The following ASXL3 variants were observed in gnomAD, a reference collection of about 807,000 sequenced individuals.
The protein encoded by ASXL3 is ASXL transcriptional regulator 3.
Under a neutral mutation model 170.6 loss-of-function variants are expected in ASXL3, and 34 were observed. The observed-to-expected ratio is 0.20, with a 90% confidence interval of 0.15 to 0.27. ASXL3 has a LOEUF of 0.27. ASXL3 is among the 10% of genes least tolerant of loss of function. The probability of loss-of-function intolerance (pLI) is 1.00; values close to 1 mark genes in which losing one functional copy is unlikely to be tolerated. For missense variants in ASXL3, 2,592 were observed against 2,695.3 expected, an observed-to-expected ratio of 0.96 and a Z score of 0.85; for synonymous variants, 1,002 against 989.1, an observed-to-expected ratio of 1.01 and a Z score of -0.24.
chr18:33,619,841 A>G (rs1039040938), intron 2 of ASXL3, among the ~76,000 whole-genome samples: 2 of 152,078 alleles, frequency 1.3e-5, no homozygotes, highest in Non-Finnish European at 2.9e-5. Flanking sequence ...AATAGTTGAG[A>G]TTGTCTACCT....
chr18:33,705,983 A>G (rs577649625), intron 8 of ASXL3, among the ~76,000 whole-genome samples: 93 of 151,968 alleles, frequency 6.1e-4, no homozygotes, highest in Non-Finnish European at 1.2e-3. Context: ...TGAACTTTAT[A>G]TACTGGAATC....
chr18:33,605,924 C>T (rs375217115), intron 1 of ASXL3, among the ~76,000 whole-genome samples: 6 of 151,804 alleles, frequency 4.0e-5, no homozygotes, highest in African/African-American at 1.2e-4. Context: ...ATGAGAGACC[C>T]GTTGCCTTTC....
chr18:33,729,957 G>A (rs2067415668), intron 8 of ASXL3, among the ~76,000 whole-genome samples: 1 of 152,068 alleles, frequency 6.6e-6, no homozygotes, highest in Admixed American at 6.6e-5. Flanking sequence ...TCCTCATGAT[G>A]GTTAGGGCTG....
intron 7 of ASXL3, among the ~76,000 whole-genome samples, chr18:33,673,234 G>A (rs1332140969): frequency 6.6e-6 from 1 of 152,178 alleles, no homozygotes; most frequent in Non-Finnish European, 1.5e-5. Flanking sequence ...ACCAACCTCT[G>A]TAAAGTTAGT....
intron 2 of ASXL3, among the ~76,000 whole-genome samples, chr18:33,632,823 G>T (rs2065699850): frequency 6.6e-6 from 1 of 152,120 alleles, no homozygotes; most frequent in Admixed American, 6.6e-5. Context: ...CTATCTTTGT[G>T]CTAATAAATG....
At chr18:33,659,514 T>C (rs1389324300) in intron 4 of ASXL3, among the ~76,000 whole-genome samples, 1 of 152,152 alleles carries the variant, frequency 6.6e-6, no homozygotes, top group Non-Finnish European at 1.5e-5. Flanking sequence ...TGGGATCATA[T>C]ATTTTATCTG....
chr18:33,599,581 A>G (rs980390091), intron 1 of ASXL3, among the ~76,000 whole-genome samples: 2 of 152,212 alleles, frequency 1.3e-5, no homozygotes, highest in Admixed American at 6.5e-5. Context: ...AATGGGGATT[A>G]CAAAAGAACT....
chr18:33,734,565 T>TA, intron 10 of ASXL3, 150 bp downstream of exon 10: 1 of 440,516 alleles, frequency 2.3e-6, no homozygotes, highest in Non-Finnish European at 3.9e-6. Flanking sequence ...CAGATGAAAT[T>TA]ATAGTGGGAT....
At chr18:33,641,240 C>T (rs767961473) in intron 2 of ASXL3, among the ~76,000 whole-genome samples, 22 of 152,078 alleles carry the variant, frequency 1.4e-4, no homozygotes, top group Non-Finnish European at 2.4e-4. Flanking sequence ...GTATTTCACA[C>T]AGCACTGGGG....
chr18:33,686,048 AT>A (rs1159652710), intron 8 of ASXL3, among the ~76,000 whole-genome samples: 1 of 152,228 alleles, frequency 6.6e-6, no homozygotes, highest in Admixed American at 6.5e-5. Flanking sequence ...TCGAATATTG[AT>A]GGCCAGAATC....
chr18:33,635,955 T>C (rs2065756234), intron 2 of ASXL3, among the ~76,000 whole-genome samples: 1 of 152,240 alleles, frequency 6.6e-6, no homozygotes, highest in Non-Finnish European at 1.5e-5. Flanking sequence ...TAAATATGTC[T>C]ATCTCCTGTG....
chr18:33,696,727 A>G (rs2066779195), intron 8 of ASXL3, among the ~76,000 whole-genome samples: 1 of 152,214 alleles, frequency 6.6e-6, no homozygotes, highest in East Asian at 1.9e-4. Flanking sequence ...CTTATGCTCT[A>G]TAACAGCAAG....
chr18:33,616,147 T>A (rs971039967), intron 2 of ASXL3, among the ~76,000 whole-genome samples: 1 of 152,130 alleles, frequency 6.6e-6, no homozygotes, highest in African/African-American at 2.4e-5. Flanking sequence ...AGATTAGATA[T>A]TATTGTGGTA....
chr18:33,619,016 A>G (rs753912264), intron 2 of ASXL3, among the ~76,000 whole-genome samples: 1 of 152,174 alleles, frequency 6.6e-6, no homozygotes, highest in Non-Finnish European at 1.5e-5. Flanking sequence ...CCTAACATCT[A>G]TTGATCCTTT....
At chr18:33,710,586 A>G (rs1381775950) in intron 8 of ASXL3, among the ~76,000 whole-genome samples, 1 of 152,170 alleles carries the variant, frequency 6.6e-6, no homozygotes, top group Non-Finnish European at 1.5e-5. Flanking sequence ...TTATCTTATT[A>G]AAGACATATT....
intron 7 of ASXL3, among the ~76,000 whole-genome samples, chr18:33,683,144 G>C (rs182487559): frequency 5.1e-4 from 78 of 152,184 alleles, no homozygotes; most frequent in Admixed American, 5.0e-3. Flanking sequence ...TTGGAACCTG[G>C]TGCTACTTTG....
intron 8 of ASXL3, among the ~76,000 whole-genome samples, chr18:33,727,152 A>G (rs992546809): frequency 1.4e-4 from 21 of 152,104 alleles, no homozygotes; most frequent in Admixed American, 5.2e-4. Context: ...TGTCTGTAGA[A>G]TGAAATCTAG....
intron 2 of ASXL3, among the ~76,000 whole-genome samples, chr18:33,628,348 AAAG>A (rs1334588186): frequency 1.1e-4 from 16 of 152,120 alleles, no homozygotes; most frequent in Admixed American, 6.6e-5. Flanking sequence ...AAGATTTTGA[AAAG>A]AAGAAGAAAA....
At chr18:33,687,898 G>C (rs1424878688) in intron 8 of ASXL3, among the ~76,000 whole-genome samples, 1 of 152,064 alleles carries the variant, frequency 6.6e-6, no homozygotes, top group Non-Finnish European at 1.5e-5. Context: ...GTTTGGGTGG[G>C]CTTCTTGTTC....
Sources: allele counts gnomAD v4.1 joint callset (sites outside exome capture counted in the v4.1 genomes callset), GRCh38; gene constraint gnomAD v4.1.1; transcripts MANE v1.5; gene names NCBI Gene and HGNC (gene_info 2026-07-23, HGNC 2026-07-21).